The following GRIA4 variants were observed in gnomAD, a reference collection of about 807,000 sequenced individuals.
GRIA4 encodes glutamate receptor 4.
Under a neutral mutation model 104.0 loss-of-function variants are expected in GRIA4, and 34 were observed. The ratio of observed to expected loss-of-function variants is 0.33; its 90% CI spans 0.25 to 0.44. GRIA4 has a LOEUF of 0.44. Among genes scored for constraint, GRIA4 ranks in the 20% least tolerant of loss-of-function variants. The probability of loss-of-function intolerance (pLI) is 1.00; values close to 1 mark genes in which losing one functional copy is unlikely to be tolerated. For missense variants in GRIA4, 750 were observed against 1,096.5 expected (o/e 0.68, Z 4.46); for synonymous variants, 386 against 381.9 (o/e 1.01, Z -0.13).
intron 4 of GRIA4, among the ~76,000 whole-genome samples, chr11:105,795,661 G>A (rs956121807): frequency 1.2e-4 from 19 of 152,168 alleles, no homozygotes; most frequent in Middle Eastern, 3.4e-3. Context: ...TTGGAAAGGG[G>A]TAAGCACTAA....
At chr11:105,837,205 C>A (rs933894732) in intron 4 of GRIA4, among the ~76,000 whole-genome samples, 2 of 152,124 alleles carry the variant, frequency 1.3e-5, no homozygotes, top group African/African-American at 4.8e-5. Context: ...AATCACTTCC[C>A]ACCTGGTCCC....
intron 4 of GRIA4, among the ~76,000 whole-genome samples, chr11:105,825,612 T>C (rs995163839): frequency 6.6e-6 from 1 of 152,072 alleles, no homozygotes; most frequent in African/African-American, 2.4e-5. Flanking sequence ...TACAAGAGCA[T>C]GTACCTGGTA....
At chr11:105,961,041 A>C (rs1026949107) in intron 14 of GRIA4, among the ~76,000 whole-genome samples, 1 of 152,162 alleles carries the variant, frequency 6.6e-6, no homozygotes, top group African/African-American at 2.4e-5. Flanking sequence ...TGAACGCCAC[A>C]GCTTCCAGTC....
intron 3 of GRIA4, among the ~76,000 whole-genome samples, chr11:105,665,450 T>C (rs1952136386): frequency 6.6e-6 from 1 of 151,920 alleles, no homozygotes; most frequent in Non-Finnish European, 1.5e-5. Flanking sequence ...CCCAGGTTTC[T>C]CACCATTAGC....
At chr11:105,734,584 A>C (rs535190873) in intron 3 of GRIA4, among the ~76,000 whole-genome samples, 1 of 152,228 alleles carries the variant, frequency 6.6e-6, no homozygotes, top group East Asian at 1.9e-4. Context: ...AAAGTCCAAA[A>C]TCCACAGGGA....
intron 3 of GRIA4, among the ~76,000 whole-genome samples, chr11:105,650,350 C>T (rs1057383250): frequency 8.6e-6 from 1 of 116,692 alleles, no homozygotes. Flanking sequence ...GCAACTTGTC[C>T]TATTTCCATG....
chr11:105,697,853 C>A (rs1953338584), intron 3 of GRIA4, among the ~76,000 whole-genome samples: 1 of 151,350 alleles, frequency 6.6e-6, no homozygotes, highest in South Asian at 2.1e-4. Context: ...CTCATATGTG[C>A]ATTTGGGCCT....
At chr11:105,717,316 AT>A (rs1459571841) in intron 3 of GRIA4, among the ~76,000 whole-genome samples, 1 of 152,054 alleles carries the variant, frequency 6.6e-6, no homozygotes, top group African/African-American at 2.4e-5. Flanking sequence ...CCCTAAAAGC[AT>A]AAAAAGAAAA....
chr11:105,871,519 A>G (rs1591375904), intron 5 of GRIA4, among the ~76,000 whole-genome samples: 1 of 150,872 alleles, frequency 6.6e-6, no homozygotes, highest in East Asian at 1.9e-4. Context: ...TATTTTAATA[A>G]TATGGGAAGT....
Position 105,708,696 on chromosome 11 carries a change from A to G in GRIA4, c.248-44285A>G, listed in dbSNP as rs896584343. Among the ~76,000 whole-genome samples, 5 of 152,208 alleles carry G rather than the reference A, an allele frequency of 3.3e-5. No homozygotes were observed. In the East Asian group the frequency reaches 7.7e-4, roughly 24 times the overall value. On this transcript the variant is annotated intron_variant, in intron 3 of 16. Transcript: ENST00000282499. ...TATGTATACCAACATTGAGCAAATA[A>G]GTAAAAATATTATGGATGATAAGGA...
intron 3 of GRIA4, among the ~76,000 whole-genome samples, chr11:105,731,069 C>T (rs1193681728): frequency 1.3e-5 from 2 of 152,178 alleles, no homozygotes; most frequent in Admixed American, 1.3e-4. Flanking sequence ...GCAAAAGAAA[C>T]TATCATCAGA....
At chr11:105,927,602 G>C (rs1200900323) in intron 13 of GRIA4, among the ~76,000 whole-genome samples, 1 of 151,962 alleles carries the variant, frequency 6.6e-6, no homozygotes, top group African/African-American at 2.4e-5. Context: ...TATATATATG[G>C]ATGTAATTGC....
intron 4 of GRIA4, among the ~76,000 whole-genome samples, chr11:105,834,439 A>G (rs1944100532): frequency 6.6e-6 from 1 of 152,102 alleles, no homozygotes; most frequent in East Asian, 1.9e-4. Flanking sequence ...AAATCAGCCC[A>G]CACATTACAT....
chr11:105,903,740 C>A, intron 7 of GRIA4, 74 bp from the exon 8 acceptor site: 1 of 1,008,554 alleles, frequency 9.9e-7, no homozygotes. Flanking sequence ...CATAAACTTA[C>A]AAAGACCCCA....
chr11:105,758,253 CT>C (rs557165447), intron 4 of GRIA4, among the ~76,000 whole-genome samples: 2 of 150,696 alleles, frequency 1.3e-5, no homozygotes, highest in Non-Finnish European at 3.0e-5. Context: ...TCTTAATTTT[CT>C]TTTTTTTTGC....
intron 4 of GRIA4, among the ~76,000 whole-genome samples, chr11:105,830,132 T>C (rs1943921272): frequency 6.6e-6 from 1 of 151,960 alleles, no homozygotes; most frequent in Admixed American, 6.6e-5. Flanking sequence ...CTCTTGACAA[T>C]TACGCCATTC....
At chr11:105,762,854 C>T (rs892327367) in intron 4 of GRIA4, among the ~76,000 whole-genome samples, 15 of 152,080 alleles carry the variant, frequency 9.9e-5, no homozygotes, top group Non-Finnish European at 1.9e-4. Flanking sequence ...TATAAATTAC[C>T]CAGTCTGGGA....
Position 105,772,869 on chromosome 11 carries a change from G to T in GRIA4, c.487+19649G>T, listed in dbSNP as rs192167129. 4.1e-3 allele frequency among the ~76,000 whole-genome samples: 629 copies of T among 152,028 alleles called. 1 individual carries two copies. Among genetic ancestry groups the T allele is most frequent in the Non-Finnish European group, 7.1e-3 (484 of 67,932 alleles). The stretch of plus-strand genomic sequence containing the variant: ...ATGTAACTAAAGTACAGAAAGAAAA[G>T]AAAATTTCATAGCTTTGAAGACATT... On this transcript the variant is annotated intron_variant, in intron 4 of 16. Coordinates refer to ENST00000282499, the MANE Select transcript of GRIA4 (RefSeq NM_000829.4).
chr11:105,622,736 G>A (rs1402804472), intron 3 of GRIA4, among the ~76,000 whole-genome samples: 1 of 151,590 alleles, frequency 6.6e-6, no homozygotes, highest in African/African-American at 2.4e-5. Context: ...TTTGTTACAT[G>A]TATAGATTGT....
Sources: allele counts gnomAD v4.1 joint callset (sites outside exome capture counted in the v4.1 genomes callset), GRCh38; gene constraint gnomAD v4.1.1; transcripts MANE v1.5; gene names NCBI Gene and HGNC (gene_info 2026-07-23, HGNC 2026-07-21).